The following MEF2C variants were observed in gnomAD, a reference collection of about 807,000 sequenced individuals.
MEF2C encodes the protein myocyte enhancer factor 2C.
A neutral mutation model predicts 50.5 loss-of-function variants in MEF2C; 6 were observed. The observed-to-expected ratio is 0.12, with a 90% confidence interval of 0.07 to 0.23. The LOEUF (loss-of-function observed/expected upper bound fraction) is 0.23, where lower values mean the gene tolerates loss of function less well. Among genes scored for constraint, MEF2C ranks in the 10% least tolerant of loss-of-function variants. The probability of loss-of-function intolerance (pLI) is 1.00; values close to 1 mark genes in which losing one functional copy is unlikely to be tolerated. For synonymous variants in MEF2C, 183 were observed against 228.0 expected, an observed-to-expected ratio of 0.80 and a Z score of 1.78; for missense variants, 276 against 605.0, an observed-to-expected ratio of 0.46 and a Z score of 5.70.
At chr5:88,738,335 A>G in intron 6 of MEF2C, 1 of 985,350 alleles carries the variant, frequency 1.0e-6, no homozygotes, top group South Asian at 4.7e-5. Flanking sequence ...AACATTAAGC[A>G]TACACATTAA....
intron 3 of MEF2C, among the ~76,000 whole-genome samples, chr5:88,784,239 A>G (rs911735804): frequency 1.3e-5 from 2 of 152,208 alleles, no homozygotes; most frequent in African/African-American, 4.8e-5. Flanking sequence ...TACTGTAGAC[A>G]TTTCAAATCC....
chr5:88,726,211 C>T (rs544653265), intron 10 of MEF2C, among the ~76,000 whole-genome samples: 4 of 152,214 alleles, frequency 2.6e-5, no homozygotes, highest in African/African-American at 7.2e-5. Flanking sequence ...GGAATATCTA[C>T]TTTGGTGGAG....
chr5:88,743,867 G>A, intron 6 of MEF2C: 1 of 960,864 alleles, frequency 1.0e-6, no homozygotes, highest in African/African-American at 1.8e-5. Context: ...ACAGATGTTA[G>A]TTTCTTTTTT....
At chr5:88,775,671 A>G (rs1384816190) in intron 3 of MEF2C, 7 of 274,270 alleles carry the variant, frequency 2.6e-5, no homozygotes, top group Admixed American at 6.5e-5. Flanking sequence ...TCGACAGTCC[A>G]GAATCATGGA....
At chr5:88,848,802 G>C (rs1820230344) in intron 1 of MEF2C, among the ~76,000 whole-genome samples, 1 of 152,130 alleles carries the variant, frequency 6.6e-6, no homozygotes, top group African/African-American at 2.4e-5. Context: ...GAAGTAAGTA[G>C]TATGTGTTCT....
chr5:88,784,265 TA>T (rs1157264957), intron 3 of MEF2C, among the ~76,000 whole-genome samples: 1 of 152,192 alleles, frequency 6.6e-6, no homozygotes, highest in Non-Finnish European at 1.5e-5. Flanking sequence ...GATTTGGAGG[TA>T]GTCAAATCAA....
chr5:88,739,340 A>T (rs986478738), intron 6 of MEF2C: 26 of 896,072 alleles, frequency 2.9e-5, no homozygotes, highest in Non-Finnish European at 3.2e-5. Flanking sequence ...TACTCACTTT[A>T]AAAAAAAAAT....
chr5:88,881,678 C>T (rs868757171), intron 1 of MEF2C, among the ~76,000 whole-genome samples: 6 of 150,988 alleles, frequency 4.0e-5, no homozygotes, highest in African/African-American at 1.5e-4. Context: ...CATCTTTACT[C>T]TGCAACCACA....
rs1174338580 is a variant in MEF2C at position 88,717,670 on chromosome 5, C to T, written c.*4934G>A. The T allele has an allele frequency of 1.3e-5, 2 of 152,080 alleles. No homozygotes were observed. Among genetic ancestry groups the T allele is most frequent in the Non-Finnish European group, 2.9e-5 (2 of 68,016 alleles). The allele number at this position is 152,080 out of a possible 1,614,324, so 9.4% of individuals were successfully genotyped here. A position where few individuals can be genotyped will look rare whatever the true frequency, so the allele number is the denominator to read the frequency against. The stretch of plus-strand genomic sequence containing the variant: ...GGCTAACTGGTGGTGTCTTGTTTTC[C>T]TTTTCAGTTTTTAAATTAATCTTTC... On this transcript the variant is annotated 3_prime_UTR_variant, in exon 11 of 11. Coordinates refer to ENST00000504921, the MANE Select transcript of MEF2C (RefSeq NM_002397.5).
chr5:88,817,896 T>G (rs1004581173), intron 2 of MEF2C: 5 of 151,974 alleles, frequency 3.3e-5, no homozygotes, highest in African/African-American at 9.7e-5. Context: ...AATTTTTATA[T>G]ATCTTTCTTC....
chr5:88,872,580 C>T (rs1671538), intron 1 of MEF2C, among the ~76,000 whole-genome samples: 151,040 of 152,102 alleles, frequency 0.99, 74,989 homozygotes, highest in Middle Eastern at 1. Context: ...TTCTAAATCA[C>T]CATTAGCAGA....
chr5:88,837,701 T>C (rs1422462322), intron 1 of MEF2C, among the ~76,000 whole-genome samples: 1 of 152,140 alleles, frequency 6.6e-6, no homozygotes, highest in East Asian at 1.9e-4. Flanking sequence ...ACAGAAACAA[T>C]AAATTGACAA....
At chr5:88,781,880 G>A (rs1374755300) in intron 3 of MEF2C, among the ~76,000 whole-genome samples, 2 of 152,202 alleles carry the variant, frequency 1.3e-5, no homozygotes, top group Non-Finnish European at 2.9e-5. Flanking sequence ...GACTGAGGCA[G>A]GAGAATTGCT....
chr5:88,782,612 A>T (rs1294657885), intron 3 of MEF2C, among the ~76,000 whole-genome samples: 1 of 152,262 alleles, frequency 6.6e-6, no homozygotes, highest in African/African-American at 2.4e-5. Flanking sequence ...ATTAGTGCAA[A>T]CTAAAATTAT....
At chr5:88,783,422 A>G (rs938751667) in intron 3 of MEF2C, among the ~76,000 whole-genome samples, 1 of 152,174 alleles carries the variant, frequency 6.6e-6, no homozygotes, top group Non-Finnish European at 1.5e-5. Flanking sequence ...TGAAGTCGAG[A>G]GTTCAAGACC....
At chr5:88,779,757 GA>G (rs1354773799) in intron 3 of MEF2C, among the ~76,000 whole-genome samples, 1 of 73,504 alleles carries the variant, frequency 1.4e-5, no homozygotes, top group Non-Finnish European at 2.6e-5. Flanking sequence ...TCAGCAAAGT[GA>G]GGTTTTTTTT....
In MEF2C at chr5:88,721,983, A is replaced by T. The variant is rs981347493; in HGVS notation, c.*621T>A. ...AGACCCAGATTTATTTATTTATTTAATTAAATATGTTAGCCCTCCAACTCC... is the reference window on the plus strand; with the variant it reads ...AGACCCAGATTTATTTATTTATTTATTTAAATATGTTAGCCCTCCAACTCC... On this transcript the variant is annotated 3_prime_UTR_variant, in exon 11 of 11. Coordinates refer to ENST00000504921, the MANE Select transcript of MEF2C (RefSeq NM_002397.5). 2.0e-5 allele frequency: 3 copies of T among 152,572 alleles called. No individual in the cohort carries two copies. Among genetic ancestry groups the T allele is most frequent in the South Asian group, 2.1e-4 (1 of 4,824 alleles). The allele number at this position is 152,572 out of a possible 1,614,324, so 9.5% of individuals were successfully genotyped here.
intron 1 of MEF2C, among the ~76,000 whole-genome samples, chr5:88,859,281 G>A (rs190687497): frequency 5.6e-4 from 85 of 152,196 alleles, no homozygotes; most frequent in Admixed American, 1.8e-3. Context: ...GCAGTGTGAC[G>A]GTATTCCTGG....
intron 3 of MEF2C, chr5:88,775,712 C>T (rs892924611): frequency 6.1e-6 from 4 of 655,282 alleles, no homozygotes; most frequent in Non-Finnish European, 7.6e-6. Flanking sequence ...TCTCATTTCC[C>T]ATGACTGCAT....
Sources: gnomAD v4.1 joint callset for allele counts (sites outside exome capture counted in the v4.1 genomes callset) on GRCh38, gnomAD v4.1.1 for gene constraint, MANE v1.5 for transcripts, NCBI Gene and HGNC (gene_info 2026-07-23, HGNC 2026-07-21) for gene names.